DUSP15: variants seen among roughly 807,000 people sequenced by gnomAD.
DUSP15 encodes dual specificity phosphatase 15, also known as dual specificity protein phosphatase 15.
Under a neutral mutation model 26.3 loss-of-function variants are expected in DUSP15, and 23 were observed. The ratio of observed to expected loss-of-function variants is 0.87; its 90% CI spans 0.63 to 1.24. The LOEUF (loss-of-function observed/expected upper bound fraction) is 1.24. DUSP15 is among the 50% of genes most tolerant of loss of function. The pLI, the probability that DUSP15 is intolerant of heterozygous loss-of-function variation, is 0.00. For missense variants in DUSP15, 364 were observed against 320.6 expected (o/e 1.14, Z -1.03); for synonymous variants, 143 against 135.5 (o/e 1.06, Z -0.39).
rs377342799 is a variant in DUSP15 at position 31,849,153 on chromosome 20, C to T, written c.629-250G>A. Among the ~76,000 whole-genome samples, 401 of 151,458 alleles carry T rather than the reference C, an allele frequency of 2.6e-3. 2 individuals are homozygous for T. In the South Asian group the frequency reaches 0.036, roughly 13 times the overall value. ...GCCCACCCCATGCCTTTATGCCCAA[C>T]CCATGCCCACTGCCACTCACCTATA... is the stretch of plus-strand genomic sequence containing the variant. On this transcript the variant is annotated intron_variant, in intron 8 of 9. Transcript: ENST00000278979.
At chr20:31,864,203 G>A (rs1428547119) in intron 4 of DUSP15, 43 of 1,340,822 alleles carry the variant, frequency 3.2e-5, no homozygotes, top group Non-Finnish European at 4.1e-5. Context: ...GACCAGTCAG[G>A]ACAAATCTCA....
intron 6 of DUSP15, among the ~76,000 whole-genome samples, chr20:31,855,164 TG>T (rs1196669763): frequency 6.6e-6 from 1 of 152,260 alleles, no homozygotes; most frequent in African/African-American, 2.4e-5. Context: ...ACATAAAAAA[TG>T]TGGCACTAAA....
Position 31,863,980 on chromosome 20 carries a change from TG to T in DUSP15, c.189del (p.Lys65SerfsTer35). ...TTGATACATTCTTTGAAGTGCTTTT[TG>T]CTAGAGGAGAAAGCAATAGGGTAGG... ...IPVADTPEVPIKKHFKECINF... is the reference protein window; with the variant it reads ...IPVADTPEVPXKKHFKECINF... On this transcript the variant is annotated frameshift_variant and splice_region_variant, in exon 5 of 7. Coordinates refer to ENST00000339738, the MANE Select transcript of DUSP15 (RefSeq NM_080611.5). LOFTEE classifies it high-confidence loss of function. 3 of 1,614,130 alleles carry T rather than the reference TG, an allele frequency of 1.9e-6. No individual in the cohort carries two copies. Among genetic ancestry groups the T allele is most frequent in the Non-Finnish European group, 2.5e-6 (3 of 1,179,980 alleles).
chr20:31,864,927 C>CT, intron 4 of DUSP15, 26 bp downstream of exon 4: 3 of 1,612,170 alleles, frequency 1.9e-6, no homozygotes, highest in Non-Finnish European at 2.5e-6. Context: ...GTCTGTCCAT[C>CT]TATGGGTCCA....
At chr20:31,848,628 G>A in intron 9 of DUSP15, 1 of 1,487,680 alleles carries the variant, frequency 6.7e-7, no homozygotes, top group Admixed American at 2.5e-5. Context: ...TGTTCCCATG[G>A]GAAGTCACAG....
chr20:31,867,631 G>GTTTTTTTTTTTTGTTTTT (rs2062797653), intron 2 of DUSP15, among the ~76,000 whole-genome samples: 5 of 77,646 alleles, frequency 6.4e-5, no homozygotes, highest in African/African-American at 2.7e-4. Flanking sequence ...TGCCCACAAT[G>GTTTTTTTTTTTTGTTTTT]TTTTTTTTTT....
chr20:31,865,159 G>A (rs889431724), intron 3 of DUSP15, among the ~76,000 whole-genome samples, 157 bp from the exon 4 acceptor site: 2 of 152,142 alleles, frequency 1.3e-5, no homozygotes, highest in African/African-American at 2.4e-5. Context: ...TGTCATCTCT[G>A]AGGCCTCCCA....
downstream of DUSP15, among the ~76,000 whole-genome samples, chr20:31,859,823 T>G (rs561546420): frequency 1.7e-3 from 265 of 152,228 alleles, 1 homozygote; most frequent in African/African-American, 5.7e-3. Context: ...GGCAGCACCA[T>G]TAACCAGCCT....
chr20:31,858,676 C>T (rs1470470426), downstream of DUSP15, among the ~76,000 whole-genome samples: 1 of 152,188 alleles, frequency 6.6e-6, no homozygotes, highest in Non-Finnish European at 1.5e-5. The surrounding 1 kb of genome is among the most constrained non-coding windows in gnomAD (Gnocchi z 4.4). Context: ...ACAGCTTTGC[C>T]CCAGTCTGCA....
At position 31,862,685 on chromosome 20, in the gene DUSP15, C is replaced by T. The variant is rs141277279; in HGVS notation, c.321G>A (p.Thr107=). Residue 107 remains threonine, a synonymous_variant, in exon 6 of 7, where the codon ACG becomes ACA. Coordinates refer to ENST00000339738, the MANE Select transcript of DUSP15 (RefSeq NM_080611.5). ...TIVTAYVMTV[T]GLGWRDVLEA... ...CAAGCACGTCCCGCCAGCCTAGCCC[C>T]GTCACAGTCATCACATACGCTGTCA... 1.4e-5 allele frequency: 22 copies of T among 1,614,082 alleles called. No homozygotes were observed. The highest frequency in any genetic ancestry group is 6.6e-5 in the South Asian group (6 of 91,074).
chr20:31,855,542 C>T (rs2062546300), intron 6 of DUSP15, among the ~76,000 whole-genome samples: 1 of 152,126 alleles, frequency 6.6e-6, no homozygotes, highest in Non-Finnish European at 1.5e-5. Flanking sequence ...GGGTTTGAAG[C>T]CAAGGAGTCA....
intron 6 of DUSP15, among the ~76,000 whole-genome samples, chr20:31,851,119 C>A (rs1334463115): frequency 6.6e-6 from 1 of 152,196 alleles, no homozygotes; most frequent in African/African-American, 2.4e-5. Context: ...AGAGCTCAAA[C>A]TCCCCCGCCC....
rs190342959 is a variant in DUSP15 at position 31,849,711 on chromosome 20, G to C, written c.628+27C>G. On this transcript the variant is annotated intron_variant, in intron 8 of 9. Transcript: ENST00000278979. ...GCGGCAGGCCCTGCAACACGTGGGC[G>C]CTGGGCAATGGGTCGGGGAAGCGAA... The C allele has an allele frequency of 1.7e-5, 26 of 1,530,312 alleles. No individual in the cohort carries two copies. The Admixed American group carries it at 3.1e-4, about 18-fold the overall frequency. The allele number at this position is 1,530,312 out of a possible 1,614,324, so 94.8% of individuals were successfully genotyped here. A position where few individuals can be genotyped will look rare whatever the true frequency, so the allele number is the denominator to read the frequency against.
chr20:31,869,755 T>G, intron 1 of DUSP15, 158 bp from the exon 2 acceptor site: 1 of 1,482,000 alleles, frequency 6.7e-7, no homozygotes, highest in Non-Finnish European at 9.0e-7. Context: ...CTGAGTCCTC[T>G]GTGAGAGGGG....
In DUSP15 at chr20:31,863,880, C is replaced by G. The variant is rs372351015; in HGVS notation, c.263+27G>C. ...GGGCACAGCCACTTCCTTCCTCCCC[C>G]ACCTTATCCCCCTCCGCTTAACTCA... On this transcript the variant is annotated intron_variant, in intron 5 of 6. Transcript: ENST00000339738. The G allele has an allele frequency of 5.0e-6, 8 of 1,609,146 alleles. No homozygotes were observed. In the Admixed American group the frequency reaches 8.3e-5, roughly 17 times the overall value.
Position 31,861,553 on chromosome 20 carries a change from G to A in DUSP15, c.558C>T (p.Ala186=). The A allele has an allele frequency of 1.3e-6, 2 of 1,504,644 alleles. No individual in the cohort carries two copies. Among genetic ancestry groups the A allele is most frequent in the Non-Finnish European group, 1.8e-6 (2 of 1,134,958 alleles). The allele number at this position is 1,504,644 out of a possible 1,614,324, so 93.2% of individuals were successfully genotyped here. The change falls in exon 7 of 7, where the codon GCC becomes GCT. Residue 186 remains alanine, a synonymous_variant. Coordinates refer to ENST00000339738, the MANE Select transcript of DUSP15 (RefSeq NM_080611.5). ...CCTCGGAGGCTGCTGAGTGCGGCCC[G>A]GCGGAGGAGGCCGAGGTCGCGGAGC... ...RQGSATSASS[A]GPHSAASEGT...
downstream of DUSP15, among the ~76,000 whole-genome samples, chr20:31,859,299 T>TG (rs11477044): frequency 0.024 from 3,381 of 139,944 alleles, 44 homozygotes; most frequent in East Asian, 0.052. Context: ...TGCATTTTTT[T>TG]GGGGGGGGGG....
rs921036871 is a variant in DUSP15, at chr20:31,861,651, A to G, written c.460T>C (p.Phe154Leu). The G allele has an allele frequency of 4.0e-6, 5 of 1,253,544 alleles. No individual in the cohort carries two copies. Among genetic ancestry groups the G allele is most frequent in the African/African-American group, 3.5e-5 (2 of 57,722 alleles). The allele number at this position is 1,253,544 out of a possible 1,614,324, so 77.7% of individuals were successfully genotyped here. A position where few individuals can be genotyped will look rare whatever the true frequency, so the allele number is the denominator to read the frequency against. ...QKLRRQLEER[F>L]GESPFRDEEE... is the part of the protein sequence containing the mutation. ...TCGTCGCGGAAGGGGCTCTCGCCGA[A>G]GCGCTCCTCCAGCTGCCGGCGAAGC... Residue 154 changes from phenylalanine (F) to leucine (L), a missense_variant, in exon 7 of 7, where the codon TTC becomes CTC. Phe to Leu is a conservative substitution (Grantham distance 22). Transcript: ENST00000339738.
chr20:31,870,060 T>C lies in DUSP15; in HGVS notation c.21+257A>G. 1 of 1,266,140 alleles carries C rather than the reference T, an allele frequency of 7.9e-7. No homozygotes were observed. The highest frequency in any genetic ancestry group is 9.9e-7 in the Non-Finnish European group (1 of 1,006,810). 78.4% of individuals were successfully genotyped at this position (1,266,140 alleles called of 1,614,324 possible). A position where few individuals can be genotyped will look rare whatever the true frequency, so the allele number is the denominator to read the frequency against. ...GAGCAGGACTCACTGGGAGACAGCC[T>C]GGGAGTGACAGCCACAGCAAGACAG... On this transcript the variant is annotated intron_variant, in intron 1 of 6. Transcript: ENST00000339738. The surrounding 1 kb of genome is among the most constrained non-coding windows in gnomAD (Gnocchi z 6.6).
Sources: allele counts gnomAD v4.1 joint callset (sites outside exome capture counted in the v4.1 genomes callset), GRCh38; gene constraint gnomAD v4.1.1; non-coding constraint Gnocchi (gnomAD v3.1); transcripts MANE v1.5; gene names NCBI Gene and HGNC (gene_info 2026-07-23, HGNC 2026-07-21).